Variants in LRBA observed in about 807,000 individuals in gnomAD.
LRBA encodes the protein lipopolysaccharide-responsive and beige-like anchor protein.
LRBA carries 176 observed loss-of-function variants against 330.0 expected under a neutral mutation model. The ratio of observed to expected loss-of-function variants is 0.53; its 90% confidence interval spans 0.47 to 0.60. The LOEUF (loss-of-function observed/expected upper bound fraction) is 0.60. Among genes scored for constraint, LRBA ranks in the 20% least tolerant of loss-of-function variants. LRBA has a pLI of 0.00. For missense variants in LRBA, 3,259 were observed against 3,444.8 expected, an observed-to-expected ratio of 0.95 and a Z score of 1.35; for synonymous variants, 1,230 against 1,193.0, an observed-to-expected ratio of 1.03 and a Z score of -0.64.
intron 35 of LRBA, among the ~76,000 whole-genome samples, chr4:150,745,375 TCTA>T (rs1292894312): frequency 2.0e-5 from 3 of 151,860 alleles, no homozygotes; most frequent in Admixed American, 2.0e-4. Context: ...ATCACAATAA[TCTA>T]CTAAAGATGA....
At chr4:150,922,004 T>C (rs1733334666) in intron 4 of LRBA, among the ~76,000 whole-genome samples, 1 of 152,132 alleles carries the variant, frequency 6.6e-6, no homozygotes, top group Admixed American at 6.5e-5. Context: ...ATTACAGGCG[T>C]AAGCCACTGT....
chr4:150,533,347 AT>A (rs1278584321), intron 40 of LRBA, among the ~76,000 whole-genome samples: 3 of 151,574 alleles, frequency 2.0e-5, no homozygotes, highest in African/African-American at 4.8e-5. Flanking sequence ...TAATTTTTTA[AT>A]TTTTTTTAAG....
intron 26 of LRBA, among the ~76,000 whole-genome samples, chr4:150,848,366 C>T (rs998604480): frequency 2.6e-5 from 4 of 152,076 alleles, no homozygotes; most frequent in Non-Finnish European, 5.9e-5. Context: ...ATTTATGAAT[C>T]ACCTTGTGTT....
At chr4:150,935,324 T>C (rs898355628) in intron 2 of LRBA, among the ~76,000 whole-genome samples, 10 of 152,062 alleles carry the variant, frequency 6.6e-5, no homozygotes, top group African/African-American at 2.4e-4. Flanking sequence ...ATAAAATATA[T>C]AACATTCATA....
chr4:150,489,262 A>ACGT lies in LRBA; in HGVS notation c.6449-1429_6449-1428insACG, dbSNP rs1561250331. 9.8e-4 allele frequency among the ~76,000 whole-genome samples: 57 copies of ACGT among 58,332 alleles called. 1 individual carries two copies. The highest frequency in any genetic ancestry group is 1.3e-3 in the Non-Finnish European group (46 of 34,904). The allele number at this position is 58,332 out of a possible 152,430, so 38.3% of individuals were successfully genotyped here. On this transcript the variant is annotated intron_variant, in intron 41 of 56. Coordinates refer to ENST00000651943, the MANE Select transcript of LRBA (RefSeq NM_001364905.1). ...TACGAATATATAATATATTATATAT[A>ACGT]AGAATATATAATATATTATATATAA...
At chr4:151,009,547 C>T (rs1308412854) in intron 2 of LRBA, among the ~76,000 whole-genome samples, 1 of 83,466 alleles carries the variant, frequency 1.2e-5, no homozygotes, top group Non-Finnish European at 2.5e-5. Context: ...GACTCTGTCT[C>T]AAAAAAAAAA....
intron 40 of LRBA, among the ~76,000 whole-genome samples, chr4:150,540,675 A>G (rs1765223175): frequency 6.6e-6 from 1 of 152,124 alleles, no homozygotes; most frequent in South Asian, 2.1e-4. Flanking sequence ...TTCCTTTATA[A>G]CTTTCAAAAT....
chr4:150,855,958 G>A (rs1323073386), intron 22 of LRBA, among the ~76,000 whole-genome samples: 1 of 152,182 alleles, frequency 6.6e-6, no homozygotes, highest in Non-Finnish European at 1.5e-5. Context: ...AGCCATTTCT[G>A]GGAAGTCTTA....
Position 150,265,776 on chromosome 4 carries a change from C to G in LRBA, c.8505G>C (p.Val2835=), listed in dbSNP as rs1289061055. ...ACCGGTTAAAGTCGTTGTAAAATAG[C>G]ACAATGCTTCCTGAAGCCATGCCAG... ...IISGMASGSI[V]LFYNDFNRWH... The change falls in exon 57 of 57, where the codon GTG becomes GTC. Residue 2835 remains valine (V), a synonymous_variant. Coordinates refer to ENST00000651943, the MANE Select transcript of LRBA (RefSeq NM_001364905.1). The G allele has an allele frequency of 1.2e-6, 2 of 1,613,526 alleles. No homozygotes were observed.
rs147096866 is a variant in LRBA at position 150,436,797 on chromosome 4, T to A, written c.6848A>T (p.Asp2283Val). 251 of 1,613,616 alleles carry A rather than the reference T, an allele frequency of 1.6e-4. No individual in the cohort carries two copies. Among genetic ancestry groups the A allele is most frequent in the Non-Finnish European group, 1.9e-4 (226 of 1,179,780 alleles). The stretch of plus-strand genomic sequence containing the variant: ...ACCATAGTGAAACTTTGGAACTTGA[T>A]CATCTTCCCATGATTCATAACGCTC... ...FAERYESWEDDQVPKFHYGTH... is the reference protein window; with the variant it reads ...FAERYESWEDVQVPKFHYGTH... The change falls in exon 45 of 57, where the codon GAT (aspartate) becomes GTT (valine). Residue 2283 changes from aspartate to valine, a missense_variant. Physicochemically the swap from Asp to Val is radical, Grantham distance 152. Transcript: ENST00000651943.
chr4:150,580,012 C>A (rs192522510), intron 40 of LRBA: 28 of 266,862 alleles, frequency 1.0e-4, no homozygotes, highest in African/African-American at 6.0e-4. Flanking sequence ...CAGTGCCCTC[C>A]GGCCCAGGCA....
chr4:150,774,359 C>T (rs987390873), intron 34 of LRBA, among the ~76,000 whole-genome samples: 3 of 152,166 alleles, frequency 2.0e-5, no homozygotes, highest in African/African-American at 4.8e-5. Context: ...ACTGACCACC[C>T]AGCCGAGACC....
chr4:150,535,465 T>C (rs1462644114), intron 40 of LRBA, among the ~76,000 whole-genome samples: 1 of 152,212 alleles, frequency 6.6e-6, no homozygotes, highest in Admixed American at 6.5e-5. Context: ...GTTTCACTCA[T>C]TTTTCTTGAT....
rs869205771 is a variant in LRBA at position 150,516,217 on chromosome 4, C to CTTTTTTTTTT, written c.6331-25192_6331-25183dup. Among the ~76,000 whole-genome samples the CTTTTTTTTTT allele has an allele frequency of 1.5e-3, 43 of 29,410 alleles. 2 individuals are homozygous for CTTTTTTTTTT. The highest frequency in any genetic ancestry group is 2.8e-3 in the African/African-American group (34 of 12,178). The allele number at this position is 29,410 out of a possible 152,430, so 19.3% of individuals were successfully genotyped here. ...AATTCAGTCTGACATTTTCTATTCTCTTTTTTTTTTTTTTTTTTTTTTTTT... is the reference window on the plus strand; with the variant it reads ...AATTCAGTCTGACATTTTCTATTCTCTTTTTTTTTTTTTTTTTTTTTTTTTTTTTTTTTTT... On this transcript the variant is annotated intron_variant, in intron 40 of 56. Coordinates refer to ENST00000651943, the MANE Select transcript of LRBA (RefSeq NM_001364905.1).
intron 13 of LRBA, among the ~76,000 whole-genome samples, chr4:150,902,116 G>A (rs1412616169): frequency 6.6e-6 from 1 of 152,136 alleles, no homozygotes; most frequent in East Asian, 1.9e-4. Context: ...GTAATTGAGT[G>A]ACATAGAGCT....
At chr4:150,571,659 T>G (rs994442732) in intron 40 of LRBA, among the ~76,000 whole-genome samples, 2 of 141,566 alleles carry the variant, frequency 1.4e-5, no homozygotes, top group Non-Finnish European at 3.1e-5. Context: ...GTTTTTTTTT[T>G]TTTTTTTTTT....
chr4:150,296,518 T>TA (rs1238060855), intron 53 of LRBA, among the ~76,000 whole-genome samples: 2 of 152,208 alleles, frequency 1.3e-5, no homozygotes, highest in Admixed American at 1.3e-4. Context: ...ATGATATACT[T>TA]AGATAATGGC....
chr4:150,727,852 G>T (rs1459890615), intron 36 of LRBA, among the ~76,000 whole-genome samples: 1 of 152,124 alleles, frequency 6.6e-6, no homozygotes, highest in African/African-American at 2.4e-5. Context: ...TAGAAGAAAA[G>T]AAATACTTAA....
At chr4:150,347,017 A>G (rs1015605643) in intron 48 of LRBA, among the ~76,000 whole-genome samples, 1 of 152,184 alleles carries the variant, frequency 6.6e-6, no homozygotes, top group African/African-American at 2.4e-5. Context: ...ATATATACAC[A>G]ATGGAATATT....
Sources: allele counts gnomAD v4.1 joint callset (sites outside exome capture counted in the v4.1 genomes callset), GRCh38; gene constraint gnomAD v4.1.1; transcripts MANE v1.5; gene names NCBI Gene and HGNC (gene_info 2026-07-23, HGNC 2026-07-21).